VAT1L: variants seen among roughly 807,000 people sequenced by gnomAD.
VAT1L encodes the protein vesicle amine transport 1 like, also known as putative NADPH-dependent quinone oxidoreductase VAT1L.
In VAT1L, 34 loss-of-function variants were observed where a neutral mutation model predicts 44.1. The ratio of observed to expected loss-of-function variants is 0.77; its 90% confidence interval spans 0.59 to 1.03. The LOEUF (loss-of-function observed/expected upper bound fraction) is 1.03. Among genes scored for constraint, VAT1L ranks in the 50% least tolerant of loss-of-function variants. The probability of loss-of-function intolerance (pLI) is 0.00; values close to 1 mark genes in which losing one functional copy is unlikely to be tolerated. For synonymous variants in VAT1L, 253 were observed against 202.2 expected (o/e 1.25, Z -2.13); for missense variants, 615 against 538.8 (o/e 1.14, Z -1.40).
chr16:77,880,576 C>T (rs9935467), intron 6 of VAT1L, among the ~76,000 whole-genome samples: 56,246 of 134,618 alleles, frequency 0.42, 12,032 homozygotes, highest in Middle Eastern at 0.5. Context: ...TTTTTTTCTT[C>T]GCACGTTCCA....
intron 7 of VAT1L, among the ~76,000 whole-genome samples, chr16:77,962,395 G>C (rs1176273620): frequency 1.3e-5 from 2 of 152,094 alleles, no homozygotes; most frequent in African/African-American, 4.8e-5. Flanking sequence ...ACCAAAGGGA[G>C]CCATAGGTAG....
chr16:77,971,830 T>C lies in VAT1L; in HGVS notation c.1078-20T>C. The C allele has an allele frequency of 6.2e-7, 1 of 1,610,236 alleles. No homozygotes were observed. Among genetic ancestry groups the C allele is most frequent in the Non-Finnish European group, 8.5e-7 (1 of 1,178,250 alleles). Reference sequence around the variant, plus strand: ...ACATCTCGCCTAACCAGCACCTCTGTTTCTCACCTTTTCGCGCAGGTGAAG... The same window carrying C: ...ACATCTCGCCTAACCAGCACCTCTGCTTCTCACCTTTTCGCGCAGGTGAAG... On this transcript the variant is annotated intron_variant, in intron 7 of 8. Transcript: ENST00000302536.
chr16:77,924,967 A>G (rs1301752209), intron 7 of VAT1L, among the ~76,000 whole-genome samples: 1 of 152,212 alleles, frequency 6.6e-6, no homozygotes, highest in Non-Finnish European at 1.5e-5. Flanking sequence ...GAATTAAGAT[A>G]TGTAAAACTA....
chr16:77,833,641 C>T (rs1328691411), intron 3 of VAT1L, among the ~76,000 whole-genome samples: 3 of 152,046 alleles, frequency 2.0e-5, no homozygotes, highest in East Asian at 1.9e-4. Context: ...ATCCCAGCTA[C>T]TAGGGAGGCT....
intron 7 of VAT1L, among the ~76,000 whole-genome samples, chr16:77,896,309 C>A (rs7198085): frequency 0.088 from 13,451 of 152,218 alleles, 851 homozygotes; most frequent in East Asian, 0.29. Context: ...ACCATTCCTC[C>A]CTCTTGCCAT....
At chr16:77,894,771 ATACACGTATAT>A (rs1462240738) in intron 7 of VAT1L, among the ~76,000 whole-genome samples, 2 of 152,194 alleles carry the variant, frequency 1.3e-5, no homozygotes, top group Non-Finnish European at 2.9e-5. Flanking sequence ...ATATGCTAGT[ATACACGTATAT>A]TACACATGAG....
chr16:77,853,699 T>A (rs929205905), intron 3 of VAT1L, among the ~76,000 whole-genome samples: 1 of 152,068 alleles, frequency 6.6e-6, no homozygotes, highest in Non-Finnish European at 1.5e-5. Flanking sequence ...GGAATCTGCA[T>A]TACAGCAAGT....
chr16:77,801,560 G>T (rs1470435641), intron 1 of VAT1L: 1 of 152,080 alleles, frequency 6.6e-6, no homozygotes, highest in Non-Finnish European at 1.5e-5. Flanking sequence ...CAGATTGTGG[G>T]GCAGCCCCAC....
intron 7 of VAT1L, among the ~76,000 whole-genome samples, chr16:77,943,763 T>A (rs758545023): frequency 1.2e-4 from 18 of 152,260 alleles, no homozygotes; most frequent in South Asian, 6.2e-4. Context: ...ACAAGTCACT[T>A]AGCCTCTAAG....
chr16:77,900,215 C>T (rs1342945705), intron 7 of VAT1L, among the ~76,000 whole-genome samples: 1 of 152,112 alleles, frequency 6.6e-6, no homozygotes, highest in African/African-American at 2.4e-5. Context: ...GGTAGTAGAG[C>T]TGGGAATCCA....
chr16:77,890,092 AAG>A (rs575752999), intron 7 of VAT1L, among the ~76,000 whole-genome samples: 213 of 152,156 alleles, frequency 1.4e-3, no homozygotes, highest in African/African-American at 5.0e-3. Flanking sequence ...ATTTCACAAA[AAG>A]AGAGAGAATG....
chr16:77,825,782 A>G (rs551444089), intron 3 of VAT1L, among the ~76,000 whole-genome samples: 1 of 151,670 alleles, frequency 6.6e-6, no homozygotes, highest in Non-Finnish European at 1.5e-5. Context: ...TTTGGGAGGC[A>G]GAGGCGGGCA....
chr16:77,934,678 T>C (rs1470210669), intron 7 of VAT1L, among the ~76,000 whole-genome samples: 2 of 152,160 alleles, frequency 1.3e-5, no homozygotes, highest in Non-Finnish European at 2.9e-5. Flanking sequence ...TTGAATCTTG[T>C]TAAGACACTA....
intron 7 of VAT1L, among the ~76,000 whole-genome samples, chr16:77,886,950 C>G (rs2017215562): frequency 6.6e-6 from 1 of 152,104 alleles, no homozygotes; most frequent in Admixed American, 6.5e-5. Context: ...GTGTGTATAT[C>G]TGTATTTTAT....
At chr16:77,831,203 G>A (rs1380514406) in intron 3 of VAT1L, among the ~76,000 whole-genome samples, 1 of 152,130 alleles carries the variant, frequency 6.6e-6, no homozygotes, top group East Asian at 1.9e-4. Context: ...AAAGAACTTA[G>A]TTTTTATAAA....
At chr16:77,945,294 T>TTTTTTTTTTTTTTTTA (rs1567517610) in intron 7 of VAT1L, among the ~76,000 whole-genome samples, 6 of 147,362 alleles carry the variant, frequency 4.1e-5, no homozygotes, top group East Asian at 2.0e-4. Context: ...TTTTTTTTTT[T>TTTTTTTTTTTTTTTTA]GAGAGAGAGA....
chr16:77,919,532 A>G (rs1280617628), intron 7 of VAT1L, among the ~76,000 whole-genome samples: 2 of 152,166 alleles, frequency 1.3e-5, no homozygotes, highest in Non-Finnish European at 2.9e-5. Context: ...GGGAATTTGC[A>G]AGCGTTACTG....
At chr16:77,873,943 A>G (rs1353500882) in intron 4 of VAT1L, among the ~76,000 whole-genome samples, 1 of 152,168 alleles carries the variant, frequency 6.6e-6, no homozygotes, top group East Asian at 1.9e-4. Flanking sequence ...ACAGGAGTTT[A>G]TAGGCCACTG....
At chr16:77,816,103 A>G (rs921914918) in intron 1 of VAT1L, among the ~76,000 whole-genome samples, 3 of 151,870 alleles carry the variant, frequency 2.0e-5, no homozygotes, top group Admixed American at 1.3e-4. Flanking sequence ...CTGATAAAAT[A>G]AAAAGAGTCC....
Sources: gnomAD v4.1 joint callset for allele counts (sites outside exome capture counted in the v4.1 genomes callset) on GRCh38, gnomAD v4.1.1 for gene constraint, MANE v1.5 for transcripts, NCBI Gene and HGNC (gene_info 2026-07-23, HGNC 2026-07-21) for gene names.